Variants in PEX3 observed in about 807,000 individuals in gnomAD.
PEX3 encodes the protein peroxin-3.
A neutral mutation model predicts 55.8 loss-of-function variants in PEX3; 30 were observed. The ratio of observed to expected loss-of-function variants is 0.54; its 90% CI spans 0.40 to 0.73. PEX3 has a LOEUF of 0.73. Among genes scored for constraint, PEX3 ranks in the 30% least tolerant of loss-of-function variants. The pLI is 0.00. For synonymous variants in PEX3, 135 were observed against 148.4 expected, an observed-to-expected ratio of 0.91 and a Z score of 0.66; for missense variants, 351 against 432.8, an observed-to-expected ratio of 0.81 and a Z score of 1.68.
chr6:143,461,897 G>T (rs1183127774), intron 2 of PEX3, among the ~76,000 whole-genome samples: 1 of 152,298 alleles, frequency 6.6e-6, no homozygotes, highest in African/African-American at 2.4e-5. Context: ...GCAGTGAGCC[G>T]TGATTGCACC....
Position 143,462,084 on chromosome 6 carries a change from T to A in PEX3, c.206-832T>A, listed in dbSNP as rs1196993924. ...TTTTCTCTAATCCCATGACAGATTCTTATTCTCCAGCATTTCTTATTCCAC... is the reference window on the plus strand; with the variant it reads ...TTTTCTCTAATCCCATGACAGATTCATATTCTCCAGCATTTCTTATTCCAC... On this transcript the variant is annotated intron_variant, in intron 2 of 11. Transcript: ENST00000367591. This position sits in a 1 kb window ranked among gnomAD's most constrained non-coding sequence, Gnocchi z 4.1. Among the ~76,000 whole-genome samples, 3 of 152,250 alleles carry A rather than the reference T, an allele frequency of 2.0e-5. No individual in the cohort carries two copies. Among genetic ancestry groups the A allele is most frequent in the Non-Finnish European group, 4.4e-5 (3 of 68,050 alleles).
At position 143,474,187 on chromosome 6, in the gene PEX3, C is replaced by T. The variant is rs140675809; in HGVS notation, c.748-599C>T. On this transcript the variant is annotated intron_variant, in intron 8 of 11. Coordinates refer to ENST00000367591, the MANE Select transcript of PEX3 (RefSeq NM_003630.3). ...AAAAAAGGCCGGGTGCGGTGGTGCA[C>T]GCCTGTAATCCCAGCACTTTGGGAG... Among the ~76,000 whole-genome samples, 1,350 of 152,028 alleles carry T rather than the reference C, an allele frequency of 8.9e-3. 16 individuals are homozygous for T. The highest frequency in any genetic ancestry group is 0.015 in the Non-Finnish European group (991 of 67,964).
At chr6:143,468,947 G>C (rs1464696053) in intron 4 of PEX3, among the ~76,000 whole-genome samples, 2 of 151,966 alleles carry the variant, frequency 1.3e-5, no homozygotes, top group African/African-American at 4.8e-5. Context: ...CCTTGCAATA[G>C]TTTGCTCAGA....
rs996661230 is a variant in PEX3 at position 143,471,113 on chromosome 6, T to C, written c.456+28T>C. The C allele has an allele frequency of 6.2e-6, 10 of 1,605,854 alleles. No individual in the cohort carries two copies. The African/African-American group carries it at 1.3e-4, about 21-fold the overall frequency. The stretch of plus-strand genomic sequence containing the variant: ...AAGTTTAATAGACTTAAATAGACAT[T>C]GTTCTTTCCCTCAGGAGGTTCAAAG... On this transcript the variant is annotated intron_variant, in intron 5 of 11. Coordinates refer to ENST00000367591, the MANE Select transcript of PEX3 (RefSeq NM_003630.3). This position sits in a 1 kb window ranked among gnomAD's most constrained non-coding sequence, Gnocchi z 5.4.
At position 143,451,703 on chromosome 6, in the gene PEX3, T is replaced by C. The variant is rs1432390666; in HGVS notation, c.73+588T>C. On this transcript the variant is annotated intron_variant, in intron 1 of 11. Coordinates refer to ENST00000367591, the MANE Select transcript of PEX3 (RefSeq NM_003630.3). The surrounding 1 kb of genome is among the most constrained non-coding windows in gnomAD (Gnocchi z 4.1). ...CAAACTATGGCAGTAAGAAAAATGC[T>C]TGAGGGATGTTGTGCAATCTTCCTC... Among the ~76,000 whole-genome samples, 1 of 152,226 alleles carries C rather than the reference T, an allele frequency of 6.6e-6. No homozygotes were observed. Among genetic ancestry groups the C allele is most frequent in the Non-Finnish European group, 1.5e-5 (1 of 68,038 alleles).
Position 143,470,826 on chromosome 6 carries a change from A to T in PEX3, c.332-135A>T, listed in dbSNP as rs183778905. 31 of 684,126 alleles carry T rather than the reference A, an allele frequency of 4.5e-5. 1 individual carries two copies. The highest frequency in any genetic ancestry group is 8.0e-4 in the Middle Eastern group (2 of 2,490). 42.4% of individuals were successfully genotyped at this position (684,126 alleles called of 1,614,324 possible). A position where few individuals can be genotyped will look rare whatever the true frequency, so the allele number is the denominator to read the frequency against. ...GGAGAGACTGAAATATTTTGAATTGATATATTTTTATACTAGAAACAGTTG... is the reference window on the plus strand; with the variant it reads ...GGAGAGACTGAAATATTTTGAATTGTTATATTTTTATACTAGAAACAGTTG... On this transcript the variant is annotated intron_variant, in intron 4 of 11. Transcript: ENST00000367591.
At position 143,457,438 on chromosome 6, in the gene PEX3, C is replaced by G. The variant is rs183183121; in HGVS notation, c.74-1647C>G. Among the ~76,000 whole-genome samples the G allele has an allele frequency of 3.5e-3, 535 of 152,152 alleles. 5 individuals are homozygous for G. Among genetic ancestry groups the G allele is most frequent in the African/African-American group, 0.012 (507 of 41,518 alleles). ...AGTTCTAATTGTTTTTAGCACATAC[C>G]CTTTTACTGAACTACTATTTTTAAG... On this transcript the variant is annotated intron_variant, in intron 1 of 11. Transcript: ENST00000367591.
At position 143,466,807 on chromosome 6, in the gene PEX3, A is replaced by G. The variant is rs1163936095; in HGVS notation, c.288-1315A>G. On this transcript the variant is annotated intron_variant, in intron 3 of 11. Transcript: ENST00000367591. The surrounding 1 kb of genome is among the most constrained non-coding windows in gnomAD (Gnocchi z 5.4). ...TACATATTCACTTATATAAAGCAAA[A>G]CAATGGAAAGTTTAAGCATTTTTTA... Among the ~76,000 whole-genome samples the G allele has an allele frequency of 6.6e-6, 1 of 152,060 alleles. No individual in the cohort carries two copies. Among genetic ancestry groups the G allele is most frequent in the Non-Finnish European group, 1.5e-5 (1 of 67,930 alleles).
intron 2 of PEX3, among the ~76,000 whole-genome samples, chr6:143,461,324 T>C (rs2128745700): frequency 6.6e-6 from 1 of 152,278 alleles, no homozygotes; most frequent in African/African-American, 2.4e-5. Flanking sequence ...TTGTCAATTA[T>C]GTATGCTCCT....
In PEX3 at chr6:143,466,768, T is replaced by C. The variant is rs1193936436; in HGVS notation, c.288-1354T>C. ...TTTTTCACTTATCTAAGGGGGCAGATATAAATGTATATATACATATTCACT... is the reference window on the plus strand; with the variant it reads ...TTTTTCACTTATCTAAGGGGGCAGACATAAATGTATATATACATATTCACT... On this transcript the variant is annotated intron_variant, in intron 3 of 11. Coordinates refer to ENST00000367591, the MANE Select transcript of PEX3 (RefSeq NM_003630.3). The surrounding 1 kb of genome is among the most constrained non-coding windows in gnomAD (Gnocchi z 5.4). Among the ~76,000 whole-genome samples the C allele has an allele frequency of 6.6e-6, 1 of 152,052 alleles. No homozygotes were observed. Among genetic ancestry groups the C allele is most frequent in the Non-Finnish European group, 1.5e-5 (1 of 67,924 alleles).
At chr6:143,467,107 TCA>T (rs1780002637) in intron 3 of PEX3, among the ~76,000 whole-genome samples, 1 of 151,980 alleles carries the variant, frequency 6.6e-6, no homozygotes, top group African/African-American at 2.4e-5. Flanking sequence ...TATATACTCT[TCA>T]CACACAAAGA....
Position 143,459,304 on chromosome 6 carries a change from G to A in PEX3, c.205+88G>A, listed in dbSNP as rs575234073. On this transcript the variant is annotated intron_variant, in intron 2 of 11. Coordinates refer to ENST00000367591, the MANE Select transcript of PEX3 (RefSeq NM_003630.3). This position sits in a 1 kb window ranked among gnomAD's most constrained non-coding sequence, Gnocchi z 4.2. ...CACCGGGATCAAATTTAGAGGAAAAGGCAAAGAAAAGATGGTAAATCTAGC... is the reference window on the plus strand; with the variant it reads ...CACCGGGATCAAATTTAGAGGAAAAAGCAAAGAAAAGATGGTAAATCTAGC... The A allele has an allele frequency of 1.5e-4, 165 of 1,134,584 alleles. No homozygotes were observed. The Admixed American group carries it at 2.7e-3, about 19-fold the overall frequency. 70.3% of individuals were successfully genotyped at this position (1,134,584 alleles called of 1,614,324 possible).
Position 143,482,922 on chromosome 6 carries a change from C to G in PEX3, c.942-2230C>G, listed in dbSNP as rs1780261129. Among the ~76,000 whole-genome samples the G allele has an allele frequency of 6.6e-6, 1 of 151,968 alleles. No homozygotes were observed. Among genetic ancestry groups the G allele is most frequent in the South Asian group, 2.1e-4 (1 of 4,822 alleles). The stretch of plus-strand genomic sequence containing the variant: ...GTAAAGAACTTTATATAAAAGAAGT[C>G]TAGGTTTGACTGTATAATTTTTAAA... On this transcript the variant is annotated intron_variant, in intron 10 of 11. Transcript: ENST00000367591. The surrounding 1 kb of genome is among the most constrained non-coding windows in gnomAD (Gnocchi z 5.5).
intron 8 of PEX3, among the ~76,000 whole-genome samples, chr6:143,473,243 G>C (rs1780099376): frequency 6.6e-6 from 1 of 151,406 alleles, no homozygotes; most frequent in South Asian, 2.1e-4. Flanking sequence ...TTCATGAGTA[G>C]GCCAAAAAAA....
Position 143,471,523 on chromosome 6 carries a change from A to C in PEX3, c.524-34A>C. 1 of 1,587,342 alleles carries C rather than the reference A, an allele frequency of 6.3e-7. No homozygotes were observed. Among genetic ancestry groups the C allele is most frequent in the Middle Eastern group, 1.7e-4 (1 of 5,936 alleles). On this transcript the variant is annotated intron_variant, in intron 6 of 11. Coordinates refer to ENST00000367591, the MANE Select transcript of PEX3 (RefSeq NM_003630.3). This position sits in a 1 kb window ranked among gnomAD's most constrained non-coding sequence, Gnocchi z 5.4. Reference sequence around the variant, plus strand: ...TTATTATTGAGGAATTTTTAAACTAAGCAAGGCTTTTAGGTTTGTTTTTTC... The same window carrying C: ...TTATTATTGAGGAATTTTTAAACTACGCAAGGCTTTTAGGTTTGTTTTTTC...
Position 143,452,967 on chromosome 6 carries a change from A to T in PEX3, c.73+1852A>T, listed in dbSNP as rs114553185. 1.9e-3 allele frequency among the ~76,000 whole-genome samples: 289 copies of T among 152,340 alleles called. 1 individual carries two copies. The highest frequency in any genetic ancestry group is 6.8e-3 in the African/African-American group (282 of 41,566). On this transcript the variant is annotated intron_variant, in intron 1 of 11. Coordinates refer to ENST00000367591, the MANE Select transcript of PEX3 (RefSeq NM_003630.3). Reference sequence around the variant, plus strand: ...TATTTAAGCAGAATGACAAGAAGACAATTATTATTATCCCCATTCAAAAAT... The same window carrying T: ...TATTTAAGCAGAATGACAAGAAGACTATTATTATTATCCCCATTCAAAAAT...
At position 143,450,993 on chromosome 6, in the gene PEX3, G is replaced by A. The variant is rs748495962; in HGVS notation, c.-50G>A. On this transcript the variant is annotated 5_prime_UTR_variant, in exon 1 of 12. Transcript: ENST00000367591. ...CCAGGTGACGAAGAAACAGTTTCCT[G>A]GTGAAGCAGTCCCTCACCCCTAGTC... 2.3e-6 allele frequency: 3 copies of A among 1,332,646 alleles called. No homozygotes were observed. The highest frequency in any genetic ancestry group is 1.4e-5 in the African/African-American group (1 of 69,664). 82.6% of individuals were successfully genotyped at this position (1,332,646 alleles called of 1,614,324 possible). A position where few individuals can be genotyped will look rare whatever the true frequency, so the allele number is the denominator to read the frequency against.
chr6:143,472,751 C>T lies in PEX3; in HGVS notation c.747+423C>T, dbSNP rs564610377. Among the ~76,000 whole-genome samples, 4 of 152,254 alleles carry T rather than the reference C, an allele frequency of 2.6e-5. No individual in the cohort carries two copies. In the South Asian group the frequency reaches 8.3e-4, roughly 32 times the overall value. On this transcript the variant is annotated intron_variant, in intron 8 of 11. Transcript: ENST00000367591. ...TATATGCCAAGATAACGAGTCTGAA[C>T]TCCAATTTGTAGACAAAGAAAGGTA...
Position 143,462,795 on chromosome 6 carries a change from C to T in PEX3, c.206-121C>T. ...AATAATTTGAATCGTCTAGCCCTGA[C>T]TTTCCCTTCTGACTCTTGCTAGTTG... On this transcript the variant is annotated intron_variant, in intron 2 of 11. Transcript: ENST00000367591. This position sits in a 1 kb window ranked among gnomAD's most constrained non-coding sequence, Gnocchi z 4.1. 1 of 744,020 alleles carries T rather than the reference C, an allele frequency of 1.3e-6. No individual in the cohort carries two copies. Among genetic ancestry groups the T allele is most frequent in the Non-Finnish European group, 2.5e-6 (1 of 406,062 alleles). 46.1% of individuals were successfully genotyped at this position (744,020 alleles called of 1,614,324 possible). A position where few individuals can be genotyped will look rare whatever the true frequency, so the allele number is the denominator to read the frequency against.
Sources: gnomAD v4.1 joint callset for allele counts (sites outside exome capture counted in the v4.1 genomes callset) on GRCh38, gnomAD v4.1.1 for gene constraint, Gnocchi (gnomAD v3.1) non-coding constraint, MANE v1.5 for transcripts, NCBI Gene and HGNC (gene_info 2026-07-23, HGNC 2026-07-21) for gene names.